DST: variants seen among roughly 807,000 people sequenced by gnomAD.
DST encodes the protein bullous pemphigoid antigen.
Under a neutral mutation model 875.2 loss-of-function variants are expected in DST, and 253 were observed. That is an observed-to-expected ratio of 0.29 (90% CI 0.26 to 0.32). The LOEUF is 0.32. Among genes scored for constraint, DST ranks in the 10% least tolerant of loss-of-function variants. DST has a pLI of 1.00. For missense variants in DST, 8,287 were observed against 9,111.6 expected, an observed-to-expected ratio of 0.91 and a Z score of 3.68; for synonymous variants, 3,124 against 3,197.1, an observed-to-expected ratio of 0.98 and a Z score of 0.77.
At chr6:56,880,728 T>C (rs982125089) in intron 3 of DST, among the ~76,000 whole-genome samples, 3 of 150,758 alleles carry the variant, frequency 2.0e-5, no homozygotes, top group Non-Finnish European at 4.4e-5. Flanking sequence ...AAAGCAGTGC[T>C]GTTCTGTTTT....
At chr6:56,539,820 T>TA (rs1386083280) in intron 61 of DST, among the ~76,000 whole-genome samples, 2 of 152,098 alleles carry the variant, frequency 1.3e-5, no homozygotes, top group Non-Finnish European at 2.9e-5. Context: ...TTCAACCTAT[T>TA]AAAAAAAGTC....
chr6:56,916,401 T>G (rs962611076), intron 2 of DST, among the ~76,000 whole-genome samples: 3 of 152,156 alleles, frequency 2.0e-5, no homozygotes, highest in Non-Finnish European at 4.4e-5. Context: ...AGTGCCCACT[T>G]TCTACTGGTT....
chr6:56,771,731 T>A (rs1003770355), intron 4 of DST, among the ~76,000 whole-genome samples: 4 of 152,118 alleles, frequency 2.6e-5, no homozygotes, highest in African/African-American at 9.7e-5. Flanking sequence ...ACACTAGAAA[T>A]CATTAACAGT....
rs1395962095 is a variant in DST, at chr6:56,954,588, G to C, written c.-1C>G. ...AGACGAGGAAAGCCGCGGCGATCATGGTGCGGGCGAGGCGAGGGCGACTCG... is the reference window on the plus strand; with the variant it reads ...AGACGAGGAAAGCCGCGGCGATCATCGTGCGGGCGAGGCGAGGGCGACTCG... On this transcript the variant is annotated 5_prime_UTR_variant, in exon 1 of 104. Coordinates refer to ENST00000680361, the MANE Select transcript of DST (RefSeq NM_001374736.1). The C allele has an allele frequency of 7.4e-7, 1 of 1,354,462 alleles. No individual in the cohort carries two copies. The highest frequency in any genetic ancestry group is 9.8e-7 in the Non-Finnish European group (1 of 1,015,780). The allele number at this position is 1,354,462 out of a possible 1,614,324, so 83.9% of individuals were successfully genotyped here.
chr6:56,671,023 T>C (rs1006372065), intron 9 of DST, among the ~76,000 whole-genome samples: 3 of 152,232 alleles, frequency 2.0e-5, no homozygotes, highest in African/African-American at 7.2e-5. Flanking sequence ...AGCTATTCTA[T>C]ATAATTATTT....
At chr6:56,570,179 C>T (rs1376672144) in intron 53 of DST, among the ~76,000 whole-genome samples, 167 bp from the exon 54 acceptor site, 1 of 152,128 alleles carries the variant, frequency 6.6e-6, no homozygotes, top group Non-Finnish European at 1.5e-5. Context: ...AATCAGTAGT[C>T]CCCAGCCTTT....
chr6:56,472,141 A>G lies in DST; in HGVS notation c.22076T>C (p.Leu7359Pro). Reference protein sequence around the residue: ...IETKNPRVNLLVSKWQQVWLL... With the variant: ...IETKNPRVNLPVSKWQQVWLL... ...CCAGACTTGCTGCCATTTGCTCACC[A>G]GTAAGTTTACCCTAGGATTTTTGGT... Residue 7359 changes from leucine to proline, a missense_variant, in exon 94 of 104, where the codon CTG (leucine) becomes CCG (proline). Leu to Pro is a moderately conservative substitution (Grantham distance 98). Around this residue, in one of 10 missense-constraint regions of DST, gnomAD observed 1,292 missense variants for 1,552.7 expected, o/e 0.83. Coordinates refer to ENST00000680361, the MANE Select transcript of DST (RefSeq NM_001374736.1). 1 of 1,613,938 alleles carries G rather than the reference A, an allele frequency of 6.2e-7. No individual in the cohort carries two copies. The highest frequency in any genetic ancestry group is 8.5e-7 in the Non-Finnish European group (1 of 1,179,842).
At chr6:56,823,442 C>T (rs1242068668) in intron 4 of DST, among the ~76,000 whole-genome samples, 2 of 151,956 alleles carry the variant, frequency 1.3e-5, no homozygotes, top group South Asian at 2.1e-4. Flanking sequence ...GACAGAGTCT[C>T]GCTCTATTGG....
In DST at chr6:56,598,688, C is replaced by T; in HGVS notation, c.11716G>A (p.Gly3906Arg). ...KQEELQKDMQ[G>R]SAQALAEVVK... ...ACTTCAGCCAATGCCTGTGCACTTC[C>T]TTGCATATCTTTCTGTAATTCCTTA... Residue 3906 changes from glycine to arginine, a missense_variant, in exon 46 of 104, where the codon GGA (glycine) becomes AGA (arginine). Coordinates refer to ENST00000680361, the MANE Select transcript of DST (RefSeq NM_001374736.1). 4.4e-6 allele frequency: 7 copies of T among 1,590,286 alleles called. No individual in the cohort carries two copies. The highest frequency in any genetic ancestry group is 6.0e-6 in the Non-Finnish European group (7 of 1,170,266).
chr6:56,627,430 T>A, intron 33 of DST, 143 bp from the exon 34 acceptor site: 2 of 711,798 alleles, frequency 2.8e-6, no homozygotes, highest in Non-Finnish European at 5.0e-6. Flanking sequence ...ACTTGCCTTA[T>A]GGGAAAATTA....
chr6:56,566,594 C>T (rs2097683436), intron 55 of DST, among the ~76,000 whole-genome samples: 1 of 152,190 alleles, frequency 6.6e-6, no homozygotes, highest in African/African-American at 2.4e-5. Flanking sequence ...AATCACCCGC[C>T]TTCTGCATTG....
Position 56,788,128 on chromosome 6 carries a change from CAAAAAAA to C in DST, c.626-52846_626-52840del, listed in dbSNP as rs781369739. Among the ~76,000 whole-genome samples the C allele has an allele frequency of 1.6e-3, 42 of 26,596 alleles. 2 individuals carry two copies. The South Asian group carries it at 0.069, about 44-fold the overall frequency. The allele number at this position is 26,596 out of a possible 152,430, so 17.4% of individuals were successfully genotyped here. On this transcript the variant is annotated intron_variant, in intron 4 of 103. Transcript: ENST00000680361. Reference sequence around the variant, plus strand: ...TGAGTGACAGAGCAAGACTCCGTCTCAAAAAAAAAAAAAAAAAAAAAAAAAAATCAGA... The same window carrying C: ...TGAGTGACAGAGCAAGACTCCGTCTCAAAAAAAAAAAAAAAAAAAATCAGA...
intron 80 of DST, among the ~76,000 whole-genome samples, chr6:56,498,904 T>C (rs1202755360): frequency 6.6e-6 from 1 of 152,154 alleles, no homozygotes; most frequent in Non-Finnish European, 1.5e-5. Flanking sequence ...AAAAGCTTAC[T>C]ACAGAACCCA....
chr6:56,598,265 AC>A (rs1346573813), intron 46 of DST, among the ~76,000 whole-genome samples: 1 of 152,216 alleles, frequency 6.6e-6, no homozygotes, highest in African/African-American at 2.4e-5. Context: ...AGAAAGTTTC[AC>A]AACCTCACTT....
intron 88 of DST, chr6:56,483,718 A>G (rs1344374543): frequency 1.3e-5 from 2 of 151,886 alleles, no homozygotes; most frequent in East Asian, 1.9e-4. Flanking sequence ...CTGTCACAAT[A>G]AAATTAATGT....
chr6:56,655,764 C>T (rs181197408), intron 10 of DST, among the ~76,000 whole-genome samples: 1 of 152,318 alleles, frequency 6.6e-6, no homozygotes, highest in Non-Finnish European at 1.5e-5. Flanking sequence ...ACCTGGCCAA[C>T]TCGAATTCTT....
intron 55 of DST, among the ~76,000 whole-genome samples, chr6:56,566,766 C>CATCT (rs1428307898): frequency 3.3e-5 from 5 of 152,166 alleles, no homozygotes; most frequent in South Asian, 2.1e-4. Flanking sequence ...GACAAAAGAG[C>CATCT]ATCTGCCTTA....
chr6:56,726,270 T>G (rs1315900477), intron 5 of DST, among the ~76,000 whole-genome samples: 1 of 152,240 alleles, frequency 6.6e-6, no homozygotes, highest in East Asian at 1.9e-4. Context: ...CTATTTGTCT[T>G]TCTCTGTCAG....
intron 4 of DST, 90 bp downstream of exon 4, chr6:56,851,307 T>G: frequency 8.2e-7 from 1 of 1,220,728 alleles, no homozygotes; most frequent in Non-Finnish European, 1.2e-6. Flanking sequence ...GCCCAGTGCA[T>G]CAGCTCCCGC....
Sources: gnomAD v4.1 joint callset for allele counts (sites outside exome capture counted in the v4.1 genomes callset) on GRCh38, gnomAD v4.1.1 for gene constraint, gnomAD v4.1.1 regional missense constraint, MANE v1.5 for transcripts, NCBI Gene and HGNC (gene_info 2026-07-23, HGNC 2026-07-21) for gene names.